Variants in CNBD1 observed in about 807,000 individuals in gnomAD.
The protein encoded by CNBD1 is cyclic nucleotide-binding domain-containing protein 1.
CNBD1 carries 71 observed loss-of-function variants against 54.4 expected under a neutral mutation model. The observed-to-expected ratio is 1.30, with a 90% confidence interval of 1.08 to 1.59. The LOEUF (loss-of-function observed/expected upper bound fraction) is 1.59, where lower values mean the gene tolerates loss of function less well. Among genes scored for constraint, CNBD1 ranks in the 40% most tolerant of loss-of-function variants. The pLI is 0.00. For synonymous variants in CNBD1, 182 were observed against 170.7 expected, an observed-to-expected ratio of 1.07 and a Z score of -0.51; for missense variants, 659 against 518.0, an observed-to-expected ratio of 1.27 and a Z score of -2.64.
At chr8:87,120,193 T>C (rs1811862157) in intron 4 of CNBD1, among the ~76,000 whole-genome samples, 1 of 152,104 alleles carries the variant, frequency 6.6e-6, no homozygotes, top group Admixed American at 6.6e-5. Flanking sequence ...TGTCTGTGAT[T>C]CCATCTGGTT....
intron 4 of CNBD1, among the ~76,000 whole-genome samples, chr8:86,975,566 T>C (rs921896993): frequency 6.6e-6 from 1 of 151,820 alleles, no homozygotes. Context: ...AATTTTCTTC[T>C]TTTTTTAAGG....
At chr8:87,420,037 A>G (rs1398411151) in intron 2 of CNBD1, among the ~76,000 whole-genome samples, 1 of 151,262 alleles carries the variant, frequency 6.6e-6, no homozygotes, top group East Asian at 1.9e-4. Context: ...ATACATAATG[A>G]CCAAGTTTGA....
At chr8:87,198,484 C>T (rs1478853918) in intron 4 of CNBD1, among the ~76,000 whole-genome samples, 4 of 151,632 alleles carry the variant, frequency 2.6e-5, no homozygotes, top group South Asian at 4.2e-4. Context: ...TATATGGAAA[C>T]AAAAAAAAGC....
chr8:86,934,175 A>G (rs1364314588), intron 3 of CNBD1, among the ~76,000 whole-genome samples: 1 of 152,066 alleles, frequency 6.6e-6, no homozygotes, highest in Non-Finnish European at 1.5e-5. Context: ...TGGCAAGCAA[A>G]GTAGGTCCCC....
intron 4 of CNBD1, among the ~76,000 whole-genome samples, chr8:87,086,388 C>T (rs940180695): frequency 6.6e-6 from 1 of 152,106 alleles, no homozygotes; most frequent in Admixed American, 6.5e-5. Context: ...AAAAGTTATG[C>T]TTTTGAAGAT....
intron 4 of CNBD1, among the ~76,000 whole-genome samples, chr8:86,963,453 G>C (rs759366719): frequency 1.3e-5 from 2 of 152,154 alleles, no homozygotes; most frequent in South Asian, 4.1e-4. Flanking sequence ...AGAAAAAGGT[G>C]CCTCAGGGGG....
At chr8:87,265,310 T>C (rs1586375572) in intron 6 of CNBD1, among the ~76,000 whole-genome samples, 3 of 152,176 alleles carry the variant, frequency 2.0e-5, no homozygotes, top group African/African-American at 7.2e-5. Context: ...CAGATAGTTG[T>C]AGATATGTGG....
At chr8:87,240,611 A>G (rs1807676076) in intron 6 of CNBD1, among the ~76,000 whole-genome samples, 2 of 152,124 alleles carry the variant, frequency 1.3e-5, no homozygotes, top group African/African-American at 4.8e-5. Flanking sequence ...CAGCAGTGGG[A>G]AGAATAGTTT....
At chr8:87,232,892 C>T (rs570808483) in intron 5 of CNBD1, among the ~76,000 whole-genome samples, 70 of 151,948 alleles carry the variant, frequency 4.6e-4, no homozygotes, top group Admixed American at 3.4e-3. Flanking sequence ...ACAGTTTTTC[C>T]GAAGTAATAG....
intron 4 of CNBD1, among the ~76,000 whole-genome samples, chr8:87,205,035 T>G (rs1813941912): frequency 6.6e-6 from 1 of 152,064 alleles, no homozygotes; most frequent in Non-Finnish European, 1.5e-5. Context: ...GACATAAACC[T>G]GTATGCATAC....
chr8:87,054,737 C>T (rs925791328), intron 4 of CNBD1, among the ~76,000 whole-genome samples: 6 of 152,212 alleles, frequency 3.9e-5, no homozygotes, highest in Non-Finnish European at 7.3e-5. Flanking sequence ...CGAAGTGTAG[C>T]CTTGGCCAAA....
At chr8:87,249,967 G>T in intron 6 of CNBD1, among the ~76,000 whole-genome samples, 1 of 152,086 alleles carries the variant, frequency 6.6e-6, no homozygotes, top group Non-Finnish European at 1.5e-5. Context: ...AGCATAAATA[G>T]AGAAATGGGA....
intron 4 of CNBD1, among the ~76,000 whole-genome samples, chr8:87,134,832 A>G (rs1049438680): frequency 7.3e-5 from 11 of 151,314 alleles, no homozygotes; most frequent in African/African-American, 2.7e-4. Context: ...GATGATCTCC[A>G]TCTCCTGACT....
At chr8:87,372,284 G>A (rs963803306) in intron 10 of CNBD1, among the ~76,000 whole-genome samples, 1 of 151,784 alleles carries the variant, frequency 6.6e-6, no homozygotes, top group Non-Finnish European at 1.5e-5. Flanking sequence ...TCAAGATTTT[G>A]TTTCTGTTTT....
chr8:87,345,505 G>C (rs527600201), intron 8 of CNBD1, among the ~76,000 whole-genome samples: 54 of 152,128 alleles, frequency 3.5e-4, no homozygotes, highest in African/African-American at 1.3e-3. Flanking sequence ...AATTGACTTT[G>C]GGTCAATTGT....
chr8:86,890,931 T>C (rs975651530), intron 2 of CNBD1, among the ~76,000 whole-genome samples: 1 of 149,046 alleles, frequency 6.7e-6, no homozygotes, highest in Non-Finnish European at 1.5e-5. Flanking sequence ...ACTCTGTCCA[T>C]TTTTAATTGT....
chr8:87,289,390 A>T (rs1452390124), intron 8 of CNBD1, among the ~76,000 whole-genome samples: 1 of 152,102 alleles, frequency 6.6e-6, no homozygotes, highest in African/African-American at 2.4e-5. Flanking sequence ...TCCAGTTTAT[A>T]TCACATCGGC....
intron 4 of CNBD1, among the ~76,000 whole-genome samples, chr8:87,034,318 A>G (rs1217707798): frequency 2.0e-5 from 3 of 152,230 alleles, no homozygotes; most frequent in Admixed American, 1.3e-4. Context: ...TGCAAGAACT[A>G]TGACAGACCA....
intron 5 of CNBD1, among the ~76,000 whole-genome samples, chr8:87,232,850 A>G (rs888023562): frequency 6.6e-6 from 1 of 152,138 alleles, no homozygotes; most frequent in African/African-American, 2.4e-5. Context: ...GTCATGTGAG[A>G]TATTTGAATA....
Sources: gnomAD v4.1 joint callset for allele counts (sites outside exome capture counted in the v4.1 genomes callset) on GRCh38, gnomAD v4.1.1 for gene constraint, MANE v1.5 for transcripts, NCBI Gene and HGNC (gene_info 2026-07-23, HGNC 2026-07-21) for gene names.